EGLN1: variants seen among roughly 807,000 people sequenced by gnomAD.
The protein encoded by EGLN1 is egl nine homolog 1.
In EGLN1, 17 loss-of-function variants were observed where a neutral mutation model predicts 38.3. That is an observed-to-expected ratio of 0.44 (90% CI 0.30 to 0.67). The LOEUF (loss-of-function observed/expected upper bound fraction) is 0.67. Among genes scored for constraint, EGLN1 ranks in the 30% least tolerant of loss-of-function variants. The pLI, the probability that EGLN1 is intolerant of heterozygous loss-of-function variation, is 0.08. For synonymous variants in EGLN1, 283 were observed against 257.5 expected, an observed-to-expected ratio of 1.10 and a Z score of -0.95; for missense variants, 477 against 603.3, an observed-to-expected ratio of 0.79 and a Z score of 2.19.
chr1:231,421,801 G>A lies in EGLN1; in HGVS notation c.88C>T (p.Leu30=). The A allele has an allele frequency of 1.9e-6, 3 of 1,559,988 alleles. No homozygotes were observed. The East Asian group carries it at 7.3e-5, about 38-fold the overall frequency. ...YCELCGKMEN[L]LRCSRCRSSF... The stretch of plus-strand genomic sequence containing the variant: ...CTGCGGCAGCGGCTGCAGCGCAGCA[G>A]GTTCTCCATCTTCCCGCACAGCTCG... The change falls in exon 1 of 5, where the codon CTG becomes TTG. Residue 30 remains leucine (L), a synonymous_variant. Coordinates refer to ENST00000366641, the MANE Select transcript of EGLN1 (RefSeq NM_022051.3). The surrounding 1 kb of genome is among the most constrained non-coding windows in gnomAD (Gnocchi z 5.5).
chr1:231,403,443 TAAAC>T (rs1337557903), intron 1 of EGLN1, among the ~76,000 whole-genome samples: 1 of 152,080 alleles, frequency 6.6e-6, no homozygotes, highest in Non-Finnish European at 1.5e-5. Context: ...TATAAAGTCA[TAAAC>T]AAAGCAGCAG....
chr1:231,373,849 G>C lies in EGLN1; in HGVS notation c.1011+131C>G, dbSNP rs571214026. 4.9e-6 allele frequency: 5 copies of C among 1,023,368 alleles called. No individual in the cohort carries two copies. In the East Asian group the frequency reaches 1.3e-4, roughly 26 times the overall value. 63.4% of individuals were successfully genotyped at this position (1,023,368 alleles called of 1,614,324 possible). ...TTACAAAAATCCACTCCTAATACCT[G>C]AGACTGAAACAAATTTAAGAGGAAA... On this transcript the variant is annotated intron_variant, in intron 2 of 4. Transcript: ENST00000366641.
chr1:231,419,606 G>A (rs1045175861), intron 1 of EGLN1, among the ~76,000 whole-genome samples: 3 of 152,102 alleles, frequency 2.0e-5, no homozygotes, highest in Non-Finnish European at 2.9e-5. Context: ...AAAATCTAGT[G>A]AAAGACCAAC....
intron 3 of EGLN1, chr1:231,369,619 G>T (rs1687763424): frequency 2.0e-6 from 2 of 984,122 alleles, no homozygotes. Flanking sequence ...TAGGATGCAG[G>T]CAACACACCT....
At chr1:231,408,486 A>T (rs1572046847) in intron 1 of EGLN1, among the ~76,000 whole-genome samples, 1 of 152,164 alleles carries the variant, frequency 6.6e-6, no homozygotes, top group East Asian at 1.9e-4. Flanking sequence ...GATTTTTATG[A>T]GTGTTGGTAA....
intron 3 of EGLN1, chr1:231,369,492 A>G (rs1687758172): frequency 4.8e-6 from 4 of 837,764 alleles, no homozygotes; most frequent in Non-Finnish European, 5.8e-6. Flanking sequence ...CACTGGGAAG[A>G]GACATGGGAT....
intron 1 of EGLN1, among the ~76,000 whole-genome samples, chr1:231,395,142 G>A (rs1389576640): frequency 6.6e-6 from 1 of 152,112 alleles, no homozygotes; most frequent in Non-Finnish European, 1.5e-5. Context: ...GTCAACATTT[G>A]TTGCTTCTTT....
chr1:231,381,650 T>C (rs987283226), intron 1 of EGLN1, among the ~76,000 whole-genome samples: 1 of 152,252 alleles, frequency 6.6e-6, no homozygotes, highest in African/African-American at 2.4e-5. Context: ...TAGTACTCTC[T>C]GAGCTTTCAT....
chr1:231,388,309 T>C (rs1165145224), intron 1 of EGLN1, among the ~76,000 whole-genome samples: 4 of 152,218 alleles, frequency 2.6e-5, no homozygotes, highest in Non-Finnish European at 5.9e-5. Context: ...GATACATTTT[T>C]TAAAATCTTG....
chr1:231,385,553 G>A (rs1688183629), intron 1 of EGLN1, among the ~76,000 whole-genome samples: 1 of 152,206 alleles, frequency 6.6e-6, no homozygotes, highest in South Asian at 2.1e-4. Context: ...GGGTGAACCT[G>A]ACGTGTGAGT....
At chr1:231,390,735 A>G (rs145787704) in intron 1 of EGLN1, among the ~76,000 whole-genome samples, 256 of 152,378 alleles carry the variant, frequency 1.7e-3, no homozygotes, top group African/African-American at 5.8e-3. Context: ...TACCGTTTTG[A>G]GGAAAGAAGA....
At chr1:231,378,694 A>C (rs1052027157) in intron 1 of EGLN1, among the ~76,000 whole-genome samples, 4 of 152,240 alleles carry the variant, frequency 2.6e-5, no homozygotes, top group Non-Finnish European at 5.9e-5. Flanking sequence ...AGGAATCTAG[A>C]GACATTTATT....
Position 231,421,993 on chromosome 1 carries a change from T to C in EGLN1, c.-105A>G. 1 of 1,209,488 alleles carries C rather than the reference T, an allele frequency of 8.3e-7. No individual in the cohort carries two copies. Among genetic ancestry groups the C allele is most frequent in the Non-Finnish European group, 1.1e-6 (1 of 948,592 alleles). The allele number at this position is 1,209,488 out of a possible 1,614,324, so 74.9% of individuals were successfully genotyped here. A position where few individuals can be genotyped will look rare whatever the true frequency, so the allele number is the denominator to read the frequency against. ...GGAGCGGGGAGAGAGATAGGGGCCGTTACTGCGCCATGCACCCGCTACCCT... is the reference window on the plus strand; with the variant it reads ...GGAGCGGGGAGAGAGATAGGGGCCGCTACTGCGCCATGCACCCGCTACCCT... On this transcript the variant is annotated 5_prime_UTR_variant, in exon 1 of 5. An upstream open reading frame in the 5' UTR loses its in-frame stop. Transcript: ENST00000366641. This position sits in a 1 kb window ranked among gnomAD's most constrained non-coding sequence, Gnocchi z 5.5.
chr1:231,397,066 G>A (rs976691347), intron 1 of EGLN1, among the ~76,000 whole-genome samples: 2 of 152,126 alleles, frequency 1.3e-5, no homozygotes, highest in Admixed American at 6.5e-5. Context: ...CTCCATTCAA[G>A]TTAGTTTTCT....
At chr1:231,408,001 CTGAG>C (rs748296599) in intron 1 of EGLN1, among the ~76,000 whole-genome samples, 1 of 152,102 alleles carries the variant, frequency 6.6e-6, no homozygotes, top group Non-Finnish European at 1.5e-5. Flanking sequence ...GGGCAGTTCA[CTGAG>C]TGTTAGCAAG....
chr1:231,389,676 C>T (rs899344918), intron 1 of EGLN1, among the ~76,000 whole-genome samples: 1 of 152,092 alleles, frequency 6.6e-6, no homozygotes, highest in Non-Finnish European at 1.5e-5. Flanking sequence ...TGACCGGGTG[C>T]GGTGGCTCAC....
At chr1:231,396,025 C>A (rs1202293068) in intron 1 of EGLN1, among the ~76,000 whole-genome samples, 34 of 121,190 alleles carry the variant, frequency 2.8e-4, no homozygotes, top group Admixed American at 6.0e-4. Flanking sequence ...CAAATTACCC[C>A]ACTCCTTTAA....
At chr1:231,413,357 T>A (rs73121535) in intron 1 of EGLN1, among the ~76,000 whole-genome samples, 5,650 of 152,208 alleles carry the variant, frequency 0.037, 361 homozygotes, top group African/African-American at 0.13. Context: ...CTTGCTGTTT[T>A]CTGAACACAC....
chr1:231,366,229 T>G lies in EGLN1; in HGVS notation c.*182A>C. On this transcript the variant is annotated 3_prime_UTR_variant, in exon 5 of 5. Transcript: ENST00000366641. ...GCAATCACAGATTTGAAGTTGATCA[T>G]GCAGTACAAAGTCACAGCAGTCAAA... 1.5e-6 allele frequency: 1 copy of G among 648,886 alleles called. No individual in the cohort carries two copies. Among genetic ancestry groups the G allele is most frequent in the Non-Finnish European group, 2.7e-6 (1 of 367,494 alleles). 40.2% of individuals were successfully genotyped at this position (648,886 alleles called of 1,614,324 possible).
Sources: gnomAD v4.1 joint callset for allele counts (sites outside exome capture counted in the v4.1 genomes callset) on GRCh38, gnomAD v4.1.1 for gene constraint, Gnocchi (gnomAD v3.1) non-coding constraint, MANE v1.5 for transcripts, NCBI Gene and HGNC (gene_info 2026-07-23, HGNC 2026-07-21) for gene names.